TANC1: variants seen among roughly 807,000 people sequenced by gnomAD.
TANC1 encodes the protein tetratricopeptide repeat, ankyrin repeat and coiled-coil containing 1.
A neutral mutation model predicts 149.7 loss-of-function variants in TANC1; 77 were observed. The observed-to-expected ratio is 0.51, with a 90% CI of 0.43 to 0.62. The LOEUF (loss-of-function observed/expected upper bound fraction) is 0.62, where lower values mean the gene tolerates loss of function less well. Ranked by LOEUF, TANC1 falls within the 20% of genes least tolerant of loss-of-function variation. TANC1 has a pLI of 0.00. For synonymous variants in TANC1, 854 were observed against 925.0 expected, an observed-to-expected ratio of 0.92 and a Z score of 1.39; for missense variants, 1,985 against 2,321.8, an observed-to-expected ratio of 0.85 and a Z score of 2.98.
chr2:159,060,623 A>G (rs2042168227), intron 2 of TANC1, among the ~76,000 whole-genome samples: 1 of 152,230 alleles, frequency 6.6e-6, no homozygotes, highest in Admixed American at 6.5e-5. Context: ...GCAGCCTGTC[A>G]ACAAATACTG....
rs1375056264 is a variant in TANC1, at chr2:159,228,187, C to T, written c.4050+222C>T. 3.5e-5 allele frequency: 19 copies of T among 535,372 alleles called. No homozygotes were observed. In the East Asian group the frequency reaches 3.6e-4, roughly 10 times the overall value. The allele number at this position is 535,372 out of a possible 1,614,324, so 33.2% of individuals were successfully genotyped here. On this transcript the variant is annotated intron_variant, in intron 25 of 26. Transcript: ENST00000263635. ...ATGTTGAAGGAATGCACTTGGGTTT[C>T]GTTTCCTTGGCCTCAGTAATGAGAA...
At chr2:159,126,798 T>C (rs897243647) in intron 4 of TANC1, among the ~76,000 whole-genome samples, 1 of 152,262 alleles carries the variant, frequency 6.6e-6, no homozygotes, top group African/African-American at 2.4e-5. Context: ...AGTAGACTCT[T>C]GCCATCTTAA....
chr2:159,206,736 A>G (rs896005211), intron 19 of TANC1, among the ~76,000 whole-genome samples: 2 of 152,182 alleles, frequency 1.3e-5, no homozygotes, highest in African/African-American at 4.8e-5. Context: ...TGGGGGCCAG[A>G]TGTGAGGTTG....
intron 19 of TANC1, among the ~76,000 whole-genome samples, chr2:159,215,698 A>G (rs547549824): frequency 3.7e-4 from 56 of 152,170 alleles, no homozygotes; most frequent in African/African-American, 1.3e-3. Flanking sequence ...CCCACAGATG[A>G]CCCTCTCCCG....
At chr2:159,162,689 G>A (rs550861953) in intron 7 of TANC1, among the ~76,000 whole-genome samples, 8 of 152,316 alleles carry the variant, frequency 5.3e-5, no homozygotes, top group Non-Finnish European at 1.0e-4. Flanking sequence ...CTGGATATGG[G>A]AAGGTTTTCC....
rs1221487899 is a variant in TANC1 at position 159,178,608 on chromosome 2, A to C, written c.1955A>C (p.Asp652Ala). 7.5e-6 allele frequency: 12 copies of C among 1,606,066 alleles called. No homozygotes were observed. Among genetic ancestry groups the C allele is most frequent in the Admixed American group, 1.7e-5 (1 of 58,154 alleles). Residue 652 changes from aspartate to alanine, a missense_variant, in exon 14 of 27, where the codon GAC becomes GCC. Transcript: ENST00000263635. Reference protein sequence around the residue: ...FVKLSLDDFPDNKDIHSDLHA... With the variant: ...FVKLSLDDFPANKDIHSDLHA... Reference sequence around the variant, plus strand: ...AAGCTTTCCTTAGATGACTTCCCAGACAACAAAGACATCCACAGTGACCTG... The same window carrying C: ...AAGCTTTCCTTAGATGACTTCCCAGCCAACAAAGACATCCACAGTGACCTG...
At position 159,230,110 on chromosome 2, in the gene TANC1, C is replaced by A. The variant is rs569534531; in HGVS notation, c.4684C>A (p.Pro1562Thr). Residue 1562 changes from proline (P) to threonine (T), a missense_variant, in exon 27 of 27, where the codon CCT becomes ACT. Physicochemically the swap from Pro to Thr is conservative, Grantham distance 38. Transcript: ENST00000263635. The surrounding 1 kb of genome is among the most constrained non-coding windows in gnomAD (Gnocchi z 4.4). ...MKVQISSQNPPPSPMPGRIAA... is the reference protein window; with the variant it reads ...MKVQISSQNPTPSPMPGRIAA... ...AGTTCAGATCTCTTCTCAGAACCCT[C>A]CTCCAAGTCCCATGCCAGGGAGAAT... 2 of 1,614,018 alleles carry A rather than the reference C, an allele frequency of 1.2e-6. No individual in the cohort carries two copies. The highest frequency in any genetic ancestry group is 2.2e-5 in the East Asian group (1 of 44,868).
chr2:159,182,306 A>C (rs1158936209), intron 14 of TANC1, among the ~76,000 whole-genome samples: 1 of 149,574 alleles, frequency 6.7e-6, no homozygotes. Context: ...TTGTTGAAGT[A>C]TGTTAAATTG....
intron 16 of TANC1, among the ~76,000 whole-genome samples, chr2:159,189,274 C>T (rs866386078): frequency 1.3e-5 from 2 of 152,212 alleles, no homozygotes; most frequent in Non-Finnish European, 2.9e-5. Flanking sequence ...CAGGAGCTGC[C>T]GACCTTGAGG....
intron 5 of TANC1, chr2:159,148,934 G>A: frequency 2.0e-6 from 1 of 490,712 alleles, no homozygotes. Flanking sequence ...CTTTGCACTT[G>A]GAGTTTTTGT....
intron 8 of TANC1, 81 bp downstream of exon 8, chr2:159,163,627 A>G: frequency 1.3e-6 from 2 of 1,497,150 alleles, no homozygotes; most frequent in Non-Finnish European, 9.0e-7. Flanking sequence ...ATGGGAAGAC[A>G]CTCCAGATAC....
chr2:159,035,517 A>G (rs2040116983), intron 2 of TANC1, among the ~76,000 whole-genome samples: 1 of 152,214 alleles, frequency 6.6e-6, no homozygotes. Context: ...ACAACAACAA[A>G]AATCTCAAGG....
chr2:159,011,223 A>G (rs1182956711), intron 2 of TANC1, among the ~76,000 whole-genome samples: 2 of 152,182 alleles, frequency 1.3e-5, no homozygotes, highest in African/African-American at 2.4e-5. Context: ...GAGTCATTGT[A>G]AGGTTTACAT....
rs192851034 is a variant in TANC1, at chr2:158,971,063, A to T, written c.-126+2281A>T. 5.1e-3 allele frequency among the ~76,000 whole-genome samples: 781 copies of T among 152,356 alleles called. 4 individuals are homozygous for T. Among genetic ancestry groups the T allele is most frequent in the Non-Finnish European group, 8.8e-3 (600 of 68,036 alleles). ...GAAAAAAGAACATTTTGTCTCTTTA[A>T]CCACACACGATTTATTTGGTGCCAT... is the stretch of plus-strand genomic sequence containing the variant. On this transcript the variant is annotated intron_variant, in intron 1 of 26. Coordinates refer to ENST00000263635, the MANE Select transcript of TANC1 (RefSeq NM_033394.3).
intron 2 of TANC1, among the ~76,000 whole-genome samples, chr2:159,046,710 C>T (rs1444159721): frequency 2.7e-5 from 4 of 150,126 alleles, no homozygotes; most frequent in Admixed American, 1.3e-4. Flanking sequence ...AAGCGATCCT[C>T]CCACCTCAGA....
chr2:158,981,117 C>T (rs1006095136), intron 1 of TANC1, among the ~76,000 whole-genome samples: 1 of 152,022 alleles, frequency 6.6e-6, no homozygotes, highest in African/African-American at 2.4e-5. Context: ...TTCCCCTCTG[C>T]ACTTCCGACC....
chr2:159,078,793 G>GT (rs1264085848), intron 3 of TANC1, among the ~76,000 whole-genome samples: 1 of 152,284 alleles, frequency 6.6e-6, no homozygotes, highest in East Asian at 1.9e-4. Flanking sequence ...CTTAAGTAAC[G>GT]TAAGAGTCTG....
chr2:159,183,806 C>A (rs138148716), intron 14 of TANC1, among the ~76,000 whole-genome samples: 2,804 of 152,110 alleles, frequency 0.018, 47 homozygotes, highest in Non-Finnish European at 0.028. Flanking sequence ...GAGGAGGGAC[C>A]GGGGCCTGAG....
intron 4 of TANC1, among the ~76,000 whole-genome samples, chr2:159,123,541 C>G (rs1184657052): frequency 6.6e-6 from 1 of 152,230 alleles, no homozygotes; most frequent in Non-Finnish European, 1.5e-5. Context: ...CATTCCTCCC[C>G]TTACTTCTGA....
Sources: allele counts gnomAD v4.1 joint callset (sites outside exome capture counted in the v4.1 genomes callset), GRCh38; gene constraint gnomAD v4.1.1; non-coding constraint Gnocchi (gnomAD v3.1); transcripts MANE v1.5; gene names NCBI Gene and HGNC (gene_info 2026-07-23, HGNC 2026-07-21).